LHFPL3: variants seen among roughly 807,000 people sequenced by gnomAD.
The protein encoded by LHFPL3 is LHFPL tetraspan subfamily member 3.
In LHFPL3, 5 loss-of-function variants were observed where a neutral mutation model predicts 19.3. The observed-to-expected ratio is 0.26, with a 90% CI of 0.14 to 0.54. The LOEUF is 0.54. LHFPL3 is among the 20% of genes least tolerant of loss of function. The pLI, the probability that LHFPL3 is intolerant of heterozygous loss-of-function variation, is 0.94. For synonymous variants in LHFPL3, 133 were observed against 126.2 expected (o/e 1.05, Z -0.36); for missense variants, 249 against 307.4 (o/e 0.81, Z 1.42).
At chr7:104,554,640 C>CAGATAGATAGATAGAT in intron 1 of LHFPL3, among the ~76,000 whole-genome samples, 1 of 143,870 alleles carries the variant, frequency 7.0e-6, no homozygotes, top group Non-Finnish European at 1.5e-5. Flanking sequence ...ATTAGATAGA[C>CAGATAGATAGATAGAT]AGATAGATAG....
intron 1 of LHFPL3, among the ~76,000 whole-genome samples, chr7:104,587,953 T>G (rs1275788902): frequency 1.3e-5 from 2 of 152,228 alleles, no homozygotes; most frequent in Non-Finnish European, 2.9e-5. Context: ...TTTTGCCCAC[T>G]TGTTAATGGG....
At chr7:104,349,351 A>G (rs6465980) in intron 1 of LHFPL3, among the ~76,000 whole-genome samples, 74,729 of 151,920 alleles carry the variant, frequency 0.49, 18,983 homozygotes, top group East Asian at 0.72. Context: ...AATAAACCCC[A>G]AGAAATAAGA....
At chr7:104,861,041 A>T (rs866721535) in intron 2 of LHFPL3, among the ~76,000 whole-genome samples, 8 of 152,180 alleles carry the variant, frequency 5.3e-5, no homozygotes, top group African/African-American at 1.9e-4. Context: ...TAGCTTTTTT[A>T]AAAAAGTAAA....
intron 1 of LHFPL3, among the ~76,000 whole-genome samples, chr7:104,642,965 TAA>T (rs1002889639): frequency 6.6e-6 from 1 of 152,262 alleles, no homozygotes; most frequent in Non-Finnish European, 1.5e-5. Flanking sequence ...TTTACAAAGT[TAA>T]AAGCTTACCT....
chr7:104,612,761 T>C (rs1194497468), intron 1 of LHFPL3, among the ~76,000 whole-genome samples: 3 of 152,212 alleles, frequency 2.0e-5, no homozygotes, highest in African/African-American at 7.2e-5. Flanking sequence ...ACGATGACAC[T>C]ACTTTGCTTA....
At chr7:104,348,246 G>T (rs1474766008) in intron 1 of LHFPL3, among the ~76,000 whole-genome samples, 1 of 152,174 alleles carries the variant, frequency 6.6e-6, no homozygotes. Flanking sequence ...TTAGCTAGGC[G>T]TGGTGGTGCG....
chr7:104,723,747 A>C (rs1318325854), intron 1 of LHFPL3, among the ~76,000 whole-genome samples: 1 of 148,962 alleles, frequency 6.7e-6, no homozygotes, highest in Non-Finnish European at 1.5e-5. Flanking sequence ...AAAAAAAAAA[A>C]AAAAGATGAT....
chr7:104,799,217 T>C (rs1212971930), intron 2 of LHFPL3, among the ~76,000 whole-genome samples: 1 of 152,178 alleles, frequency 6.6e-6, no homozygotes, highest in East Asian at 1.9e-4. Flanking sequence ...TCTACTATCC[T>C]CCTTGCAGAG....
chr7:104,757,853 T>G (rs1052726429), intron 2 of LHFPL3: 1 of 152,226 alleles, frequency 6.6e-6, no homozygotes, highest in African/African-American at 2.4e-5. Flanking sequence ...CATTACTGGT[T>G]AGATACCCAG....
At chr7:104,367,630 A>G (rs1028851124) in intron 1 of LHFPL3, among the ~76,000 whole-genome samples, 2 of 152,216 alleles carry the variant, frequency 1.3e-5, no homozygotes, top group African/African-American at 2.4e-5. Context: ...AAATATCAGC[A>G]TAGGGGGTAT....
chr7:104,743,100 G>A (rs543578190), intron 2 of LHFPL3, among the ~76,000 whole-genome samples: 5 of 152,144 alleles, frequency 3.3e-5, no homozygotes, highest in South Asian at 4.2e-4. Flanking sequence ...CAGCCTGGGC[G>A]ACAGAGAGAG....
intron 1 of LHFPL3, among the ~76,000 whole-genome samples, chr7:104,673,490 A>G (rs939345843): frequency 6.6e-5 from 10 of 152,238 alleles, no homozygotes; most frequent in South Asian, 2.1e-4. Context: ...GCTGGTAGTT[A>G]CTGTCTTTGC....
chr7:104,560,903 A>G lies in LHFPL3; in HGVS notation c.446-175772A>G, dbSNP rs1379144205. 2.7e-5 allele frequency among the ~76,000 whole-genome samples: 4 copies of G among 150,152 alleles called. No homozygotes were observed. In the South Asian group the frequency reaches 6.4e-4, roughly 24 times the overall value. Reference sequence around the variant, plus strand: ...TGTGTCTTTGTTCTCGTTGGTTTCAAAGAACATCTTTATTTCTGCCTTCAT... The same window carrying G: ...TGTGTCTTTGTTCTCGTTGGTTTCAGAGAACATCTTTATTTCTGCCTTCAT... On this transcript the variant is annotated intron_variant, in intron 1 of 2. Transcript: ENST00000424859.
intron 1 of LHFPL3, among the ~76,000 whole-genome samples, chr7:104,576,111 C>T (rs928680384): frequency 2.6e-5 from 4 of 151,926 alleles, no homozygotes; most frequent in Non-Finnish European, 5.9e-5. Flanking sequence ...GAGAATAAAA[C>T]CCTGGGGGAA....
intron 1 of LHFPL3, among the ~76,000 whole-genome samples, chr7:104,344,913 A>C (rs1373671603): frequency 6.6e-6 from 1 of 152,184 alleles, no homozygotes; most frequent in Non-Finnish European, 1.5e-5. Flanking sequence ...AGAGGGTTAT[A>C]TAAGATTCAT....
At chr7:104,779,138 A>G (rs1396528205) in intron 2 of LHFPL3, among the ~76,000 whole-genome samples, 1 of 152,202 alleles carries the variant, frequency 6.6e-6, no homozygotes, top group Non-Finnish European at 1.5e-5. Context: ...TGCCACACTT[A>G]ATAGCTGTAT....
intron 1 of LHFPL3, among the ~76,000 whole-genome samples, chr7:104,339,048 G>C (rs1789894673): frequency 6.6e-6 from 1 of 152,142 alleles, no homozygotes; most frequent in Non-Finnish European, 1.5e-5. Flanking sequence ...AGGCATTCAA[G>C]ACCAGCCTGA....
intron 2 of LHFPL3, among the ~76,000 whole-genome samples, chr7:104,822,527 T>C (rs1790694805): frequency 6.6e-6 from 1 of 152,172 alleles, no homozygotes; most frequent in Non-Finnish European, 1.5e-5. Context: ...GGCCTCCCCC[T>C]ACTAGAAGCC....
At chr7:104,682,620 G>C (rs1476584265) in intron 1 of LHFPL3, among the ~76,000 whole-genome samples, 1 of 152,154 alleles carries the variant, frequency 6.6e-6, no homozygotes, top group Non-Finnish European at 1.5e-5. Context: ...GCTGGCTTCA[G>C]AGGGTCCTGG....
Sources: gnomAD v4.1 joint callset for allele counts (sites outside exome capture counted in the v4.1 genomes callset) on GRCh38, gnomAD v4.1.1 for gene constraint, MANE v1.5 for transcripts, NCBI Gene and HGNC (gene_info 2026-07-23, HGNC 2026-07-21) for gene names.